AGBL1: variants seen among roughly 807,000 people sequenced by gnomAD.
AGBL1 encodes the protein cytosolic carboxypeptidase 4.
A neutral mutation model predicts 118.9 loss-of-function variants in AGBL1; 130 were observed. The observed-to-expected ratio is 1.09, with a 90% CI of 0.95 to 1.26. AGBL1 has a LOEUF of 1.26. Ranked by LOEUF, AGBL1 falls within the 50% of genes most tolerant of loss-of-function variation. The pLI, the probability that AGBL1 is intolerant of heterozygous loss-of-function variation, is 0.00. For missense variants in AGBL1, 1,584 were observed against 1,298.1 expected, an observed-to-expected ratio of 1.22 and a Z score of -3.38; for synonymous variants, 555 against 478.9, an observed-to-expected ratio of 1.16 and a Z score of -2.08.
chr15:86,317,566 T>G (rs2080034562), intron 17 of AGBL1, among the ~76,000 whole-genome samples: 1 of 152,144 alleles, frequency 6.6e-6, no homozygotes, highest in Admixed American at 6.5e-5. Context: ...GAAATAAAAC[T>G]TTGAGAGGCG....
chr15:86,652,356 T>A (rs1276887338), intron 21 of AGBL1, among the ~76,000 whole-genome samples: 3 of 152,164 alleles, frequency 2.0e-5, no homozygotes, highest in Non-Finnish European at 4.4e-5. Flanking sequence ...CTCAGCCTCC[T>A]AATGTTGTTA....
In AGBL1 at chr15:86,160,126, C is replaced by CAAAAAA. The variant is rs2077247068; in HGVS notation, c.488+1101_488+1102insAAAAAA. On this transcript the variant is annotated intron_variant, in intron 5 of 22. Coordinates refer to ENST00000614907, the MANE Select transcript of AGBL1 (RefSeq NM_001386094.1). ...TTTTTTTTTTTTTTTTTTTTGAGAT[C>CAAAAAA]ACCTTTTTTAGGGGAAGGAGGGGTC... is the stretch of plus-strand genomic sequence containing the variant. Among the ~76,000 whole-genome samples the CAAAAAA allele has an allele frequency of 1.6e-4, 11 of 69,674 alleles. No homozygotes were observed. The East Asian group carries it at 2.7e-3, about 17-fold the overall frequency. The allele number at this position is 69,674 out of a possible 152,430, so 45.7% of individuals were successfully genotyped here.
At chr15:86,579,593 A>G (rs866933375) in intron 21 of AGBL1, among the ~76,000 whole-genome samples, 3 of 152,158 alleles carry the variant, frequency 2.0e-5, no homozygotes, top group Non-Finnish European at 1.5e-5. Context: ...CAATGGTCAG[A>G]AAAAAAGAGC....
chr15:86,796,428 A>C (rs538697155), intron 22 of AGBL1, among the ~76,000 whole-genome samples: 8 of 152,324 alleles, frequency 5.3e-5, no homozygotes, highest in Admixed American at 5.2e-4. Context: ...AGCAAGTGCA[A>C]GGGTCAAAGA....
At chr15:86,425,349 T>A (rs2081853931) in intron 18 of AGBL1, among the ~76,000 whole-genome samples, 1 of 139,966 alleles carries the variant, frequency 7.1e-6, no homozygotes, top group Admixed American at 7.3e-5. Context: ...TGAAAACACA[T>A]GGACACAGGC....
intron 22 of AGBL1, among the ~76,000 whole-genome samples, chr15:86,768,283 A>G (rs950578937): frequency 6.4e-4 from 97 of 152,122 alleles, no homozygotes; most frequent in African/African-American, 2.6e-4. Context: ...CCCATTGCAT[A>G]TAACATAGTT....
intron 22 of AGBL1, among the ~76,000 whole-genome samples, chr15:86,840,495 G>C (rs2079229594): frequency 6.6e-6 from 1 of 152,086 alleles, no homozygotes; most frequent in Non-Finnish European, 1.5e-5. Context: ...GCCCAGACTG[G>C]AGTGCAATGG....
At chr15:86,433,266 CTTTTTTT>C (rs59417397) in intron 18 of AGBL1, among the ~76,000 whole-genome samples, 226 of 74,868 alleles carry the variant, frequency 3.0e-3, no homozygotes, top group Non-Finnish European at 4.1e-3. Flanking sequence ...CCTCCTTCTT[CTTTTTTT>C]TTTTTTTTTT....
Position 86,821,035 on chromosome 15 carries a change from T to C in AGBL1, c.3159-86052T>C, listed in dbSNP as rs552113176. 6.2e-4 allele frequency among the ~76,000 whole-genome samples: 95 copies of C among 152,256 alleles called. 1 individual carries two copies. Among genetic ancestry groups the C allele is most frequent in the Middle Eastern group, 3.4e-3 (1 of 294 alleles). On this transcript the variant is annotated intron_variant, in intron 22 of 22. Coordinates refer to ENST00000614907, the MANE Select transcript of AGBL1 (RefSeq NM_001386094.1). The stretch of plus-strand genomic sequence containing the variant: ...TGAGTTCATGTCCTTTGCAGGGACA[T>C]GGATGAAGCTTGAAATCTTCGTTCT...
chr15:86,346,641 G>A (rs1357744541), intron 17 of AGBL1, among the ~76,000 whole-genome samples: 2 of 152,228 alleles, frequency 1.3e-5, no homozygotes, highest in East Asian at 1.9e-4. Flanking sequence ...GAGCCACCAC[G>A]CCCGGCCAAG....
intron 24 of AGBL1, among the ~76,000 whole-genome samples, chr15:87,018,066 A>G (rs1484741557): frequency 2.0e-5 from 3 of 152,092 alleles, no homozygotes; most frequent in Admixed American, 6.6e-5. Flanking sequence ...GCAGATAAGA[A>G]TAGAGAAAAA....
At chr15:86,287,622 T>C (rs1693645586) in intron 16 of AGBL1, among the ~76,000 whole-genome samples, 1 of 152,208 alleles carries the variant, frequency 6.6e-6, no homozygotes, top group Non-Finnish European at 1.5e-5. Context: ...TGCATGTTTT[T>C]GGCACCTCTG....
chr15:86,520,812 T>C (rs138762894), intron 18 of AGBL1, among the ~76,000 whole-genome samples: 40 of 152,310 alleles, frequency 2.6e-4, no homozygotes, highest in Non-Finnish European at 4.6e-4. Flanking sequence ...CTCTGGGATG[T>C]TGTGCCTGCA....
intron 5 of AGBL1, among the ~76,000 whole-genome samples, chr15:86,223,610 A>T (rs1156828981): frequency 6.6e-6 from 1 of 152,194 alleles, no homozygotes; most frequent in Non-Finnish European, 1.5e-5. Context: ...GGATAAATGA[A>T]GTAGTCCATC....
chr15:86,887,627 C>T (rs955345267), intron 22 of AGBL1, among the ~76,000 whole-genome samples: 2 of 151,966 alleles, frequency 1.3e-5, no homozygotes, highest in African/African-American at 2.4e-5. Context: ...AAACATAGTC[C>T]CTATAGAGAT....
At position 86,752,500 on chromosome 15, in the gene AGBL1, A is replaced by G. The variant is rs554679495; in HGVS notation, c.3158+78064A>G. ...GAGTCTAGTGATGTGGTGATAGGAG[A>G]TGCAGGCAGATTCTTCCATGTCTGT... is the stretch of plus-strand genomic sequence containing the variant. On this transcript the variant is annotated intron_variant, in intron 22 of 22. Transcript: ENST00000614907. Among the ~76,000 whole-genome samples, 37 of 152,148 alleles carry G rather than the reference A, an allele frequency of 2.4e-4. No individual in the cohort carries two copies. In the South Asian group the frequency reaches 7.7e-3, roughly 32 times the overall value.
chr15:86,966,853 G>T (rs2081059355), intron 23 of AGBL1, among the ~76,000 whole-genome samples: 1 of 152,074 alleles, frequency 6.6e-6, no homozygotes, highest in Non-Finnish European at 1.5e-5. Flanking sequence ...TAATGGGATT[G>T]CTGGGCCAAA....
At chr15:86,116,966 T>TA (rs397687653) in intron 1 of AGBL1, among the ~76,000 whole-genome samples, 1 of 150,126 alleles carries the variant, frequency 6.7e-6, no homozygotes, top group Non-Finnish European at 1.5e-5. Context: ...TTTTTTTTTT[T>TA]AACATGTTTT....
chr15:86,949,627 C>T (rs2080858322), intron 23 of AGBL1, among the ~76,000 whole-genome samples: 1 of 151,908 alleles, frequency 6.6e-6, no homozygotes, highest in Non-Finnish European at 1.5e-5. Context: ...AAGGGTCAAT[C>T]CACAAAAATC....
Sources: gnomAD v4.1 joint callset for allele counts (sites outside exome capture counted in the v4.1 genomes callset) on GRCh38, gnomAD v4.1.1 for gene constraint, MANE v1.5 for transcripts, NCBI Gene and HGNC (gene_info 2026-07-23, HGNC 2026-07-21) for gene names.